The following CAMK2B variants were observed in gnomAD, a reference collection of about 807,000 sequenced individuals.
The protein encoded by CAMK2B is calcium/calmodulin-dependent protein kinase type II subunit beta.
A neutral mutation model predicts 93.7 loss-of-function variants in CAMK2B; 27 were observed. The ratio of observed to expected loss-of-function variants is 0.29; its 90% CI spans 0.21 to 0.40. CAMK2B has a LOEUF of 0.40. Among genes scored for constraint, CAMK2B ranks in the 10% least tolerant of loss-of-function variants. The pLI, the probability that CAMK2B is intolerant of heterozygous loss-of-function variation, is 1.00. For synonymous variants in CAMK2B, 374 were observed against 358.8 expected, an observed-to-expected ratio of 1.04 and a Z score of -0.48; for missense variants, 568 against 895.8, an observed-to-expected ratio of 0.63 and a Z score of 4.67.
chr7:44,234,785 G>A, intron 13 of CAMK2B, 109 bp from the exon 14 acceptor site: 2 of 1,207,276 alleles, frequency 1.7e-6, no homozygotes, highest in Non-Finnish European at 2.4e-6. Flanking sequence ...GCAAGCCCAG[G>A]GTCCTGAGGC....
intron 1 of CAMK2B, among the ~76,000 whole-genome samples, chr7:44,324,843 C>T (rs922924230): frequency 2.3e-4 from 35 of 152,136 alleles, no homozygotes; most frequent in Non-Finnish European, 4.9e-4. Flanking sequence ...ACGCCGGCAC[C>T]CCCAGCGCGG....
In CAMK2B at chr7:44,247,115, C is replaced by T. The variant is rs2096739166; in HGVS notation, c.414+5G>A. The T allele has an allele frequency of 6.2e-7, 1 of 1,612,226 alleles. No individual in the cohort carries two copies. The highest frequency in any genetic ancestry group is 8.5e-7 in the Non-Finnish European group (1 of 1,178,452). ...CACCTGGCACAGAGTGGGGTGGGGA[C>T]TCACCTTGAGGTCTCTGTGGACGAC... On this transcript the variant is annotated splice_donor_5th_base_variant and intron_variant, in intron 6 of 23. Transcript: ENST00000395749.
At chr7:44,238,103 G>A (rs755661171) in intron 13 of CAMK2B, among the ~76,000 whole-genome samples, 20 of 152,230 alleles carry the variant, frequency 1.3e-4, no homozygotes, top group Non-Finnish European at 2.6e-4. Flanking sequence ...CATGCTCACT[G>A]CCGTGTGATA....
At chr7:44,227,984 G>A (rs2096535793) in intron 19 of CAMK2B, among the ~76,000 whole-genome samples, 2 of 151,564 alleles carry the variant, frequency 1.3e-5, no homozygotes, top group African/African-American at 4.8e-5. Flanking sequence ...GACAGAGGGT[G>A]CTGCTGCGGA....
intron 12 of CAMK2B, among the ~76,000 whole-genome samples, chr7:44,240,462 C>G (rs2096667560): frequency 6.6e-6 from 1 of 152,242 alleles, no homozygotes; most frequent in Non-Finnish European, 1.5e-5. Context: ...CGCTCGTGTT[C>G]AGGGGGTGGA....
chr7:44,319,620 C>T (rs1795590238), intron 1 of CAMK2B, among the ~76,000 whole-genome samples: 3 of 152,180 alleles, frequency 2.0e-5, no homozygotes, highest in Admixed American at 2.0e-4. Flanking sequence ...CCAGCCCCTG[C>T]AGCTGGTCGT....
At chr7:44,289,899 C>T (rs1402520934) in intron 1 of CAMK2B, among the ~76,000 whole-genome samples, 1 of 152,230 alleles carries the variant, frequency 6.6e-6, no homozygotes, top group Non-Finnish European at 1.5e-5. Flanking sequence ...GAGGCAGCAG[C>T]TTCTCTCCCT....
At chr7:44,251,893 T>G (rs2096784105) in intron 5 of CAMK2B, among the ~76,000 whole-genome samples, 1 of 152,080 alleles carries the variant, frequency 6.6e-6, no homozygotes, top group South Asian at 2.1e-4. Flanking sequence ...AATCCCTCAC[T>G]TCTCCCCTCC....
intron 2 of CAMK2B, among the ~76,000 whole-genome samples, chr7:44,277,997 C>T (rs549100707): frequency 6.6e-6 from 1 of 152,364 alleles, no homozygotes; most frequent in African/African-American, 2.4e-5. Flanking sequence ...TGCTCTCCCA[C>T]GTTTTCACAG....
chr7:44,229,443 G>A lies in CAMK2B; in HGVS notation c.1284C>T (p.Ala428=), dbSNP rs373048588. The A allele has an allele frequency of 2.5e-5, 38 of 1,491,134 alleles. No individual in the cohort carries two copies. The highest frequency in any genetic ancestry group is 1.1e-4 in the South Asian group (8 of 75,642). The allele number at this position is 1,491,134 out of a possible 1,614,324, so 92.4% of individuals were successfully genotyped here. The change falls in exon 18 of 24, where the codon GCC becomes GCT. Residue 428 remains alanine (A), a synonymous_variant. Transcript: ENST00000395749. The part of the protein sequence containing the change: ...SVRRGSGAPE[A]EGPLPCPSPA... ...GAGATGGGCAGGGCAGGGGCCCCTC[G>A]GCTTCTGGGGCTCCCGAGCCCCTCC...
chr7:44,243,406 C>A lies in CAMK2B; in HGVS notation c.517+19G>T, dbSNP rs2096700899. On this transcript the variant is annotated intron_variant, in intron 7 of 23. Coordinates refer to ENST00000395749, the MANE Select transcript of CAMK2B (RefSeq NM_001220.5). The stretch of plus-strand genomic sequence containing the variant: ...GCCCTGCCAACTGCCAGCCAACACA[C>A]CCTGCCCCTGGCACTCACCAAACCA... The A allele has an allele frequency of 6.2e-7, 1 of 1,613,166 alleles. No homozygotes were observed. Among genetic ancestry groups the A allele is most frequent in the South Asian group, 1.1e-5 (1 of 91,070 alleles).
chr7:44,301,708 C>T (rs770807085), intron 1 of CAMK2B, among the ~76,000 whole-genome samples: 1 of 151,428 alleles, frequency 6.6e-6, no homozygotes, highest in Non-Finnish European at 1.5e-5. Context: ...ACCAGGAAGT[C>T]GGAGGTTGCA....
In CAMK2B at chr7:44,234,401, G is replaced by C. The variant is rs2096606495; in HGVS notation, c.1120C>G (p.Pro374Ala). ...AATSPKGTLP[P>A]AALEPQTTVI... ...GAGGAGCTCAGTACCAGGGCGGCAG[G>C]AGGAAGCGTCCCTTTGGGGCTGGTG... Residue 374 changes from proline (P) to alanine (A), a missense_variant, in exon 15 of 24, where the codon CCT (proline) becomes GCT (alanine). By Grantham distance (27) the Pro-to-Ala change is conservative. This residue lies in a region of CAMK2B where 308 missense variants were observed against 292.1 expected (regional missense o/e 1.05). Transcript: ENST00000395749. 2 of 1,530,930 alleles carry C rather than the reference G, an allele frequency of 1.3e-6. No individual in the cohort carries two copies. The highest frequency in any genetic ancestry group is 1.8e-6 in the Non-Finnish European group (2 of 1,142,134). 94.8% of individuals were successfully genotyped at this position (1,530,930 alleles called of 1,614,324 possible). A position where few individuals can be genotyped will look rare whatever the true frequency, so the allele number is the denominator to read the frequency against.
intron 3 of CAMK2B, among the ~76,000 whole-genome samples, chr7:44,261,567 G>C (rs1405690659): frequency 6.6e-6 from 1 of 152,208 alleles, no homozygotes; most frequent in African/African-American, 2.4e-5. Flanking sequence ...CACCTCCTCG[G>C]CAGGAAGCAG....
rs533670958 is a variant in CAMK2B at position 44,312,013 on chromosome 7, C to T, written c.65+13344G>A. Among the ~76,000 whole-genome samples the T allele has an allele frequency of 1.2e-4, 19 of 152,340 alleles. No homozygotes were observed. The highest frequency in any genetic ancestry group is 2.5e-4 in the Non-Finnish European group (17 of 68,044). Reference sequence around the variant, plus strand: ...GACTTTCCTCGCCACATCTCTGTCCCCACAGCCCAGAGGGGGAAACTGAGC... The same window carrying T: ...GACTTTCCTCGCCACATCTCTGTCCTCACAGCCCAGAGGGGGAAACTGAGC... On this transcript the variant is annotated intron_variant, in intron 1 of 23. Coordinates refer to ENST00000395749, the MANE Select transcript of CAMK2B (RefSeq NM_001220.5). This position sits in a 1 kb window ranked among gnomAD's most constrained non-coding sequence, Gnocchi z 4.1.
chr7:44,231,143 T>G, intron 16 of CAMK2B, 89 bp from the exon 17 acceptor site: 1 of 796,102 alleles, frequency 1.3e-6, no homozygotes, highest in Non-Finnish European at 1.9e-6. Context: ...TGGGCCTGTG[T>G]CAGGACCAGC....
At chr7:44,269,767 C>T (rs1477930941) in intron 2 of CAMK2B, among the ~76,000 whole-genome samples, 3 of 152,152 alleles carry the variant, frequency 2.0e-5, no homozygotes, top group African/African-American at 7.2e-5. Context: ...CGCCCAAGGG[C>T]CTCTGGAGTT....
intron 5 of CAMK2B, among the ~76,000 whole-genome samples, chr7:44,252,551 G>A (rs2096790395): frequency 7.4e-6 from 1 of 134,578 alleles, no homozygotes; most frequent in South Asian, 2.8e-4. Flanking sequence ...GGGGGTGGGG[G>A]AGGGTGGGGC....
rs567906590 is a variant in CAMK2B, at chr7:44,290,021, C to T, written c.66-5796G>A. On this transcript the variant is annotated intron_variant, in intron 1 of 23. Transcript: ENST00000395749. ...TGCCTGCATCAGTCCTGAGCCTCAC[C>T]GGTCGGTTGCAGTTCACAGGCATGC... 3.3e-5 allele frequency among the ~76,000 whole-genome samples: 5 copies of T among 152,184 alleles called. No individual in the cohort carries two copies. The South Asian group carries it at 6.2e-4, about 19-fold the overall frequency.
Sources: gnomAD v4.1 joint callset for allele counts (sites outside exome capture counted in the v4.1 genomes callset) on GRCh38, gnomAD v4.1.1 for gene constraint, gnomAD v4.1.1 regional missense constraint, Gnocchi (gnomAD v3.1) non-coding constraint, MANE v1.5 for transcripts, NCBI Gene and HGNC (gene_info 2026-07-23, HGNC 2026-07-21) for gene names.